Variants in HDAC9 observed in about 807,000 individuals in gnomAD.
HDAC9 encodes histone deacetylase 9.
A neutral mutation model predicts 139.4 loss-of-function variants in HDAC9; 41 were observed. The ratio of observed to expected loss-of-function variants is 0.29; its 90% CI spans 0.23 to 0.38. HDAC9 has a LOEUF of 0.38. Among genes scored for constraint, HDAC9 ranks in the 10% least tolerant of loss-of-function variants. HDAC9 has a pLI of 1.00. For missense variants in HDAC9, 1,147 were observed against 1,297.0 expected (o/e 0.88, Z 1.78); for synonymous variants, 517 against 476.2 (o/e 1.09, Z -1.12).
At chr7:18,923,747 C>G (rs751128519) in intron 22 of HDAC9, among the ~76,000 whole-genome samples, 1 of 151,996 alleles carries the variant, frequency 6.6e-6, no homozygotes, top group Non-Finnish European at 1.5e-5. Flanking sequence ...AGATGAAAGA[C>G]CTCTGGCATA....
At chr7:18,643,362 T>C (rs879006979) in intron 8 of HDAC9, among the ~76,000 whole-genome samples, 43 of 152,152 alleles carry the variant, frequency 2.8e-4, no homozygotes, top group Admixed American at 2.2e-3. Context: ...GCTTTCAACA[T>C]ACCTCTTGGT....
At chr7:18,989,319 A>G (rs1337982275) in intron 25 of HDAC9, among the ~76,000 whole-genome samples, 1 of 151,566 alleles carries the variant, frequency 6.6e-6, no homozygotes, top group East Asian at 1.9e-4. Context: ...TCCTTCACTT[A>G]TGAAGCTTAG....
At chr7:18,432,487 A>G (rs1401198622) in intron 1 of HDAC9, among the ~76,000 whole-genome samples, 1 of 152,234 alleles carries the variant, frequency 6.6e-6, no homozygotes, top group Admixed American at 6.5e-5. Flanking sequence ...TAGATTTCTC[A>G]TCACATTCCT....
At chr7:18,256,045 C>T (rs1198943060) in intron 2 of HDAC9, among the ~76,000 whole-genome samples, 2 of 148,274 alleles carry the variant, frequency 1.3e-5, no homozygotes, top group Non-Finnish European at 3.0e-5. Context: ...TCTTTAGAAA[C>T]CTTGACATCT....
intron 2 of HDAC9, among the ~76,000 whole-genome samples, chr7:18,498,508 C>G (rs1463012746): frequency 6.6e-6 from 1 of 152,130 alleles, no homozygotes; most frequent in Non-Finnish European, 1.5e-5. Flanking sequence ...GAGCTAACTG[C>G]TAAATTAGGG....
rs1003480948 is a variant in HDAC9 at position 18,273,122 on chromosome 7, G to A, written c.25+110773G>A. ...TGTCTGTTGCCCTCGCTGGAGTGCA[G>A]TGACATCATAACTCACTGCAGCATC... On this transcript the variant is annotated intron_variant, in intron 2 of 12. Coordinates refer to the HDAC9 transcript ENST00000417496. Among the ~76,000 whole-genome samples, 18 of 130,728 alleles carry A rather than the reference G, an allele frequency of 1.4e-4. No individual in the cohort carries two copies. The Admixed American group carries it at 1.4e-3, about 10-fold the overall frequency. 85.8% of individuals were successfully genotyped at this position (130,728 alleles called of 152,430 possible).
intron 2 of HDAC9, among the ~76,000 whole-genome samples, chr7:18,243,758 A>G (rs1794342595): frequency 6.6e-6 from 1 of 152,238 alleles, no homozygotes; most frequent in South Asian, 2.1e-4. Flanking sequence ...AATAAAATGC[A>G]GCTTAGTTAA....
chr7:18,991,504 G>A (rs1009355012), intron 25 of HDAC9, among the ~76,000 whole-genome samples: 14 of 152,148 alleles, frequency 9.2e-5, no homozygotes, highest in African/African-American at 3.1e-4. Context: ...AGGTGTGGTG[G>A]CAGGCACCTG....
chr7:18,918,106 G>A (rs1312145008), intron 22 of HDAC9, among the ~76,000 whole-genome samples: 1 of 152,024 alleles, frequency 6.6e-6, no homozygotes, highest in Non-Finnish European at 1.5e-5. Flanking sequence ...GATGTGCAAA[G>A]AAATGCATTT....
chr7:18,613,577 T>C (rs1019263193), intron 6 of HDAC9, among the ~76,000 whole-genome samples: 4 of 152,200 alleles, frequency 2.6e-5, no homozygotes, highest in African/African-American at 7.2e-5. Context: ...TCATTGAAAT[T>C]TACTACTATG....
At chr7:18,693,091 T>C (rs1242669368) in intron 12 of HDAC9, among the ~76,000 whole-genome samples, 5 of 151,768 alleles carry the variant, frequency 3.3e-5, no homozygotes, top group African/African-American at 9.7e-5. Context: ...AAAAATAAAA[T>C]AAAACTTTAA....
chr7:18,474,312 A>G (rs1050175333), intron 1 of HDAC9, among the ~76,000 whole-genome samples: 1 of 152,208 alleles, frequency 6.6e-6, no homozygotes, highest in African/African-American at 2.4e-5. Flanking sequence ...AATGTTTAAC[A>G]AAATATCAGC....
intron 22 of HDAC9, among the ~76,000 whole-genome samples, chr7:18,898,515 C>T (rs950504493): frequency 2.0e-5 from 3 of 151,830 alleles, no homozygotes; most frequent in East Asian, 1.9e-4. Flanking sequence ...TTTCTGAAGG[C>T]GTTTCCTTTG....
At position 18,188,622 on chromosome 7, in the gene HDAC9, T is replaced by C. The variant is rs138333070; in HGVS notation, c.25+26273T>C. Among the ~76,000 whole-genome samples, 1,386 of 152,274 alleles carry C rather than the reference T, an allele frequency of 9.1e-3. 10 individuals carry two copies. Among genetic ancestry groups the C allele is most frequent in the Non-Finnish European group, 0.013 (898 of 68,028 alleles). On this transcript the variant is annotated intron_variant, in intron 2 of 12. Transcript: ENST00000417496. ...TCTGACAAAGGTCTAATATCCAGAA[T>C]TTACAGGGAACTTAAACATATTTAC...
intron 2 of HDAC9, 118 bp downstream of exon 2, chr7:18,496,442 T>C (rs1431166928): frequency 5.9e-6 from 5 of 849,638 alleles, no homozygotes; most frequent in African/African-American, 1.7e-5. Context: ...TTGATGTTGC[T>C]ATTTTCTTGG....
intron 1 of HDAC9, among the ~76,000 whole-genome samples, chr7:18,141,498 A>C: frequency 6.6e-6 from 1 of 152,156 alleles, no homozygotes; most frequent in East Asian, 1.9e-4. Flanking sequence ...AGCAATATTA[A>C]ATCTAGGTGA....
intron 2 of HDAC9, among the ~76,000 whole-genome samples, chr7:18,180,138 C>T (rs943304048): frequency 2.6e-5 from 4 of 151,634 alleles, no homozygotes; most frequent in Admixed American, 1.3e-4. Flanking sequence ...CAGTAGTGAG[C>T]GCCTTAGTTG....
intron 14 of HDAC9, among the ~76,000 whole-genome samples, chr7:18,756,674 T>C (rs535901129): frequency 6.6e-6 from 1 of 152,250 alleles, no homozygotes; most frequent in South Asian, 2.1e-4. Context: ...AACATCTTTA[T>C]GTTCATAGAT....
At chr7:18,970,114 A>G (rs993650744) in intron 24 of HDAC9, among the ~76,000 whole-genome samples, 7 of 152,192 alleles carry the variant, frequency 4.6e-5, no homozygotes, top group Admixed American at 3.9e-4. Flanking sequence ...TAACCATACA[A>G]TTAAGTTTTC....
Sources: gnomAD v4.1 joint callset for allele counts (sites outside exome capture counted in the v4.1 genomes callset) on GRCh38, gnomAD v4.1.1 for gene constraint, MANE v1.5 for transcripts, NCBI Gene and HGNC (gene_info 2026-07-23, HGNC 2026-07-21) for gene names.